Variants in IL7 observed in about 807,000 individuals in gnomAD.
The protein encoded by IL7 is interleukin-7.
IL7 carries 3 observed loss-of-function variants against 21.6 expected under a neutral mutation model. The ratio of observed to expected loss-of-function variants is 0.14; its 90% CI spans 0.06 to 0.36. The LOEUF (loss-of-function observed/expected upper bound fraction) is 0.36, where lower values mean the gene tolerates loss of function less well. IL7 is among the 10% of genes least tolerant of loss of function. The probability of loss-of-function intolerance (pLI) is 1.00; values close to 1 mark genes in which losing one functional copy is unlikely to be tolerated. For synonymous variants in IL7, 62 were observed against 68.1 expected (o/e 0.91, Z 0.44); for missense variants, 175 against 200.2 (o/e 0.87, Z 0.76).
intron 3 of IL7, among the ~76,000 whole-genome samples, chr8:78,704,042 A>G (rs549563251): frequency 6.6e-6 from 1 of 152,142 alleles, no homozygotes; most frequent in East Asian, 1.9e-4. Context: ...TCACTTATGA[A>G]GCTTAGTTTG....
At chr8:78,690,448 T>C (rs1263125009) in intron 3 of IL7, among the ~76,000 whole-genome samples, 3 of 151,750 alleles carry the variant, frequency 2.0e-5, no homozygotes, top group African/African-American at 7.3e-5. Context: ...TAGTCCCAGC[T>C]ACTTGGGAGG....
chr8:78,796,163 A>G (rs1209923819), intron 2 of IL7, among the ~76,000 whole-genome samples: 1 of 152,036 alleles, frequency 6.6e-6, no homozygotes, highest in East Asian at 1.9e-4. Flanking sequence ...ATGATTGTCT[A>G]TGTAGAAAAT....
chr8:78,723,524 T>C (rs1363933429), intron 3 of IL7, among the ~76,000 whole-genome samples: 1 of 151,982 alleles, frequency 6.6e-6, no homozygotes, highest in Non-Finnish European at 1.5e-5. Context: ...ACTATTAATA[T>C]TAACTATATA....
At position 78,682,945 on chromosome 8, in the gene IL7, T is replaced by G. The variant is rs187746023; in HGVS notation, n.273+2944A>C. 2.0e-5 allele frequency among the ~76,000 whole-genome samples: 3 copies of G among 152,338 alleles called. No individual in the cohort carries two copies. In the East Asian group the frequency reaches 5.8e-4, roughly 29 times the overall value. On this transcript the variant is annotated intron_variant and non_coding_transcript_variant, in intron 4 of 4. Coordinates refer to the IL7 transcript ENST00000523959. Reference sequence around the variant, plus strand: ...AGGCTCCATGCAAGTCTGAAATCCATGAGGGCAGTCATTAAACCTTAAAGC... The same window carrying G: ...AGGCTCCATGCAAGTCTGAAATCCAGGAGGGCAGTCATTAAACCTTAAAGC...
At chr8:78,683,982 T>A (rs1170826376) in intron 4 of IL7, among the ~76,000 whole-genome samples, 2 of 152,204 alleles carry the variant, frequency 1.3e-5, no homozygotes, top group Admixed American at 1.3e-4. Context: ...TGAGACCACC[T>A]TAGCCTGGAC....
intron 2 of IL7, among the ~76,000 whole-genome samples, chr8:78,742,340 T>C (rs1484113718): frequency 6.6e-6 from 1 of 151,578 alleles, no homozygotes; most frequent in African/African-American, 2.4e-5. Context: ...AAATAAAAAA[T>C]AAAAAGAAAC....
rs1812861593 is a variant in IL7 at position 78,769,067 on chromosome 8, A to C, written c.148-28985T>G. Among the ~76,000 whole-genome samples, 7 of 152,302 alleles carry C rather than the reference A, an allele frequency of 4.6e-5. No individual in the cohort carries two copies. In the South Asian group the frequency reaches 1.4e-3, roughly 32 times the overall value. On this transcript the variant is annotated intron_variant, in intron 2 of 5. Coordinates refer to ENST00000263851, the MANE Select transcript of IL7 (RefSeq NM_000880.4). ...TAAGAGCTATCTATGACAAACCCAC[A>C]GCCAATATCATACTGAATGGGCAAA...
intron 1 of IL7, 96 bp from the exon 2 acceptor site, chr8:78,798,304 T>G (rs964475460): frequency 2.4e-6 from 2 of 841,060 alleles, no homozygotes; most frequent in South Asian, 2.5e-5. Context: ...TTCTAATAAT[T>G]TTAAAAATAC....
At chr8:78,766,943 G>A (rs1045815032) in intron 2 of IL7, among the ~76,000 whole-genome samples, 5 of 152,104 alleles carry the variant, frequency 3.3e-5, no homozygotes, top group African/African-American at 9.7e-5. Context: ...TGGATCAGAT[G>A]TCATCAGTCT....
intron 3 of IL7, among the ~76,000 whole-genome samples, chr8:78,708,004 G>T (rs1031129311): frequency 1.1e-4 from 16 of 151,980 alleles, no homozygotes; most frequent in Admixed American, 1.0e-3. Context: ...TTTTGGTTAA[G>T]TGAAAAAAGA....
At chr8:78,761,875 G>T in intron 2 of IL7, 1 of 1,611,626 alleles carries the variant, frequency 6.2e-7, no homozygotes, top group Non-Finnish European at 8.5e-7. Context: ...CCTCATGTCC[G>T]TCCAGAGGTA....
At chr8:78,750,639 C>T (rs1055698618) in intron 2 of IL7, among the ~76,000 whole-genome samples, 10 of 152,164 alleles carry the variant, frequency 6.6e-5, no homozygotes, top group Non-Finnish European at 8.8e-5. Context: ...CTGGCTAACA[C>T]GGTGAAACCC....
chr8:78,731,522 T>C (rs143542451), downstream of IL7, among the ~76,000 whole-genome samples: 1 of 151,968 alleles, frequency 6.6e-6, no homozygotes, highest in African/African-American at 2.4e-5. Context: ...AAAATAAGTA[T>C]CTTCCCTCCT....
intron 5 of IL7, among the ~76,000 whole-genome samples, chr8:78,735,734 G>A (rs946967723): frequency 8.1e-5 from 12 of 148,910 alleles, no homozygotes; most frequent in Non-Finnish European, 1.5e-4. Context: ...CTAAATCTCA[G>A]AGTGTACAGG....
chr8:78,718,493 T>C (rs937396757), intron 6 of IL7: 15 of 151,884 alleles, frequency 9.9e-5, no homozygotes, highest in Admixed American at 5.9e-4. Flanking sequence ...AGATAAAAAA[T>C]ATTTGAATTT....
chr8:78,728,680 T>C (rs137963815), downstream of IL7, among the ~76,000 whole-genome samples: 36 of 152,020 alleles, frequency 2.4e-4, no homozygotes, highest in African/African-American at 7.2e-4. Context: ...CAAGTGGTAG[T>C]AACTTTTGTC....
intron 5 of IL7, 22 bp downstream of exon 5, chr8:78,736,451 GA>G: frequency 1.3e-6 from 2 of 1,513,244 alleles, no homozygotes; most frequent in South Asian, 1.2e-5. Flanking sequence ...GAACCATAAG[GA>G]AAATTATACA....
downstream of IL7, chr8:78,715,480 A>G: frequency 1.6e-6 from 1 of 634,400 alleles, no homozygotes. Context: ...CCTCTAATGG[A>G]TTTGGGCAAA....
intron 3 of IL7, among the ~76,000 whole-genome samples, chr8:78,688,289 G>A (rs549960510): frequency 1.3e-5 from 2 of 152,048 alleles, no homozygotes; most frequent in East Asian, 3.9e-4. Context: ...GAGAGTGAGA[G>A]GGTACCAGTT....
Sources: gnomAD v4.1 joint callset for allele counts (sites outside exome capture counted in the v4.1 genomes callset) on GRCh38, gnomAD v4.1.1 for gene constraint, MANE v1.5 for transcripts, NCBI Gene and HGNC (gene_info 2026-07-23, HGNC 2026-07-21) for gene names.